Variants in KPNA5 observed in about 807,000 individuals in gnomAD.
KPNA5 encodes karyopherin subunit alpha 5.
Under a neutral mutation model 71.3 loss-of-function variants are expected in KPNA5, and 46 were observed. The observed-to-expected ratio is 0.65, with a 90% CI of 0.51 to 0.83. The LOEUF (loss-of-function observed/expected upper bound fraction) is 0.83. Among genes scored for constraint, KPNA5 ranks in the 40% least tolerant of loss-of-function variants. KPNA5 has a pLI of 0.00. For missense variants in KPNA5, 547 were observed against 628.3 expected (o/e 0.87, Z 1.38); for synonymous variants, 207 against 201.4 (o/e 1.03, Z -0.24).
At chr6:116,681,567 T>A (rs899619108) in intron 1 of KPNA5, 11 of 1,299,428 alleles carry the variant, frequency 8.5e-6, no homozygotes, top group African/African-American at 4.7e-5. Flanking sequence ...GTTCAGATTC[T>A]TTCAGCAGGT....
At chr6:116,709,770 CT>C (rs550085717) in intron 7 of KPNA5, among the ~76,000 whole-genome samples, 75 of 144,370 alleles carry the variant, frequency 5.2e-4, no homozygotes, top group Non-Finnish European at 4.9e-4. Context: ...CCTTCTATTT[CT>C]TTTTTTTTTT....
chr6:116,683,862 G>C (rs1777460841), intron 1 of KPNA5, among the ~76,000 whole-genome samples: 1 of 142,806 alleles, frequency 7.0e-6, no homozygotes, highest in Middle Eastern at 4.5e-3. Context: ...CTCCCAAAGT[G>C]CTGGGATTAC....
chr6:116,729,163 GTGT>G (rs1779388985), intron 12 of KPNA5, among the ~76,000 whole-genome samples: 1 of 83,888 alleles, frequency 1.2e-5, no homozygotes, highest in Non-Finnish European at 2.2e-5. Context: ...ACCTCCGTGT[GTGT>G]GTGTGTGTGT....
intron 1 of KPNA5, among the ~76,000 whole-genome samples, chr6:116,681,734 G>T (rs975138892): frequency 1.3e-5 from 2 of 152,072 alleles, no homozygotes; most frequent in African/African-American, 4.8e-5. Context: ...AGTGTCCAAA[G>T]AAGAGACAGG....
At chr6:116,720,564 A>C (rs1370699838) in intron 8 of KPNA5, among the ~76,000 whole-genome samples, 1 of 152,136 alleles carries the variant, frequency 6.6e-6, no homozygotes, top group Non-Finnish European at 1.5e-5. Flanking sequence ...CAAAAACCCG[A>C]TATTTGGCTG....
chr6:116,692,228 A>G, intron 3 of KPNA5, 65 bp from the exon 4 acceptor site: 1 of 1,407,644 alleles, frequency 7.1e-7, no homozygotes, highest in Non-Finnish European at 9.9e-7. Context: ...ACAAATATTT[A>G]TGCATGCAAA....
chr6:116,719,231 G>A (rs1024880097), intron 8 of KPNA5, among the ~76,000 whole-genome samples: 3 of 152,052 alleles, frequency 2.0e-5, no homozygotes, highest in Non-Finnish European at 4.4e-5. Context: ...TTGTTTGTTT[G>A]TTTTTTGGCA....
At chr6:116,702,199 T>C in intron 6 of KPNA5, 49 bp downstream of exon 6, 3 of 1,563,516 alleles carry the variant, frequency 1.9e-6, no homozygotes, top group Non-Finnish European at 2.6e-6. Context: ...CAGTTTTCTC[T>C]TGAAAGTACC....
rs1374725175 is a variant in KPNA5, at chr6:116,734,266, A to T, written c.*1943A>T. On this transcript the variant is annotated 3_prime_UTR_variant, in exon 14 of 14. Transcript: ENST00000368564. Reference sequence around the variant, plus strand: ...ATGCAGCATGATTCATAAACTAACCAGCTGTGCCTCCTTTTATTTTGAGGA... The same window carrying T: ...ATGCAGCATGATTCATAAACTAACCTGCTGTGCCTCCTTTTATTTTGAGGA... 6.6e-6 allele frequency: 1 copy of T among 151,752 alleles called. No individual in the cohort carries two copies. Among genetic ancestry groups the T allele is most frequent in the African/African-American group, 2.4e-5 (1 of 41,426 alleles). The allele number at this position is 151,752 out of a possible 1,614,324, so 9.4% of individuals were successfully genotyped here.
intron 11 of KPNA5, 99 bp downstream of exon 11, chr6:116,725,975 G>T: frequency 7.4e-7 from 1 of 1,352,434 alleles, no homozygotes; most frequent in Non-Finnish European, 1.0e-6. Context: ...TTTTTAAAAA[G>T]ATACCGAAAA....
At position 116,712,511 on chromosome 6, in the gene KPNA5, T is replaced by C. The variant is rs118176179; in HGVS notation, c.657-3708T>C. 6.4e-3 allele frequency among the ~76,000 whole-genome samples: 977 copies of C among 152,346 alleles called. 4 individuals carry two copies. Among genetic ancestry groups the C allele is most frequent in the South Asian group, 0.015 (73 of 4,830 alleles). On this transcript the variant is annotated intron_variant, in intron 7 of 13. Coordinates refer to ENST00000368564, the MANE Select transcript of KPNA5 (RefSeq NM_001366306.2). ...ATTTGTAGACAGCATCGTAGACTTA[T>C]GGGTTTTGTTTTGTTTTGTTTAATA...
chr6:116,713,723 A>G (rs1364442177), intron 7 of KPNA5, among the ~76,000 whole-genome samples: 1 of 151,934 alleles, frequency 6.6e-6, no homozygotes, highest in Non-Finnish European at 1.5e-5. Context: ...ATTTCTTGTC[A>G]TTCTTTTTCT....
In KPNA5 at chr6:116,705,054, A is replaced by T. The variant is rs755897271; in HGVS notation, c.568-18A>T. ...TAATTTAAAATATTGTCTTAAGATA[A>T]TTTTTTTTTTTCCTAAGGCTGTTTG... On this transcript the variant is annotated intron_variant, in intron 6 of 13. Coordinates refer to ENST00000368564, the MANE Select transcript of KPNA5 (RefSeq NM_001366306.2). 28 of 1,243,722 alleles carry T rather than the reference A, an allele frequency of 2.3e-5. No individual in the cohort carries two copies. Among genetic ancestry groups the T allele is most frequent in the Admixed American group, 4.1e-5 (2 of 49,034 alleles). The allele number at this position is 1,243,722 out of a possible 1,614,324, so 77.0% of individuals were successfully genotyped here. A position where few individuals can be genotyped will look rare whatever the true frequency, so the allele number is the denominator to read the frequency against.
Position 116,729,594 on chromosome 6 carries a change from C to T in KPNA5, c.1285C>T (p.Leu429Phe). Residue 429 changes from leucine to phenylalanine, a missense_variant, in exon 13 of 14, where the codon CTT becomes TTT. Physicochemically the swap from Leu to Phe is conservative, Grantham distance 22 (BLOSUM62 0). Coordinates refer to ENST00000368564, the MANE Select transcript of KPNA5 (RefSeq NM_001366306.2). ...GGTAGCTTTAGGCTGCATTAAACCA[C>T]TTTGTGATCTTTTGACTGTTATGGA... ...YLVALGCIKP[L>F]CDLLTVMDSK... 1 of 1,594,304 alleles carries T rather than the reference C, an allele frequency of 6.3e-7. No homozygotes were observed. The highest frequency in any genetic ancestry group is 8.5e-7 in the Non-Finnish European group (1 of 1,169,924).
In KPNA5 at chr6:116,702,155, G is replaced by A. The variant is rs970270450; in HGVS notation, c.567+5G>A. 2.2e-5 allele frequency: 35 copies of A among 1,611,236 alleles called. No homozygotes were observed. Among genetic ancestry groups the A allele is most frequent in the Non-Finnish European group, 2.7e-5 (32 of 1,179,302 alleles). ...CATGAAGATGTTCAGGAACAGGTAC[G>A]TCTCTAATTTGTATTGTTGTATGTA... is the stretch of plus-strand genomic sequence containing the variant. On this transcript the variant is annotated splice_donor_5th_base_variant and intron_variant, in intron 6 of 13. Coordinates refer to ENST00000368564, the MANE Select transcript of KPNA5 (RefSeq NM_001366306.2).
At chr6:116,707,587 G>A (rs1414335199) in intron 7 of KPNA5, among the ~76,000 whole-genome samples, 3 of 152,160 alleles carry the variant, frequency 2.0e-5, no homozygotes, top group Non-Finnish European at 4.4e-5. Flanking sequence ...CATCAGCATA[G>A]GTGAGTAATA....
In KPNA5 at chr6:116,729,580, G is replaced by C. The variant is rs1779409993; in HGVS notation, c.1271G>C (p.Gly424Ala). 4 of 1,569,788 alleles carry C rather than the reference G, an allele frequency of 2.5e-6. No homozygotes were observed. The highest frequency in any genetic ancestry group is 2.6e-6 in the Non-Finnish European group (3 of 1,156,932). Reference sequence around the variant, plus strand: ...ATCTGAAGGTATTTGGTAGCTTTAGGCTGCATTAAACCACTTTGTGATCTT... The same window carrying C: ...ATCTGAAGGTATTTGGTAGCTTTAGCCTGCATTAAACCACTTTGTGATCTT... Reference protein sequence around the residue: ...PEQIRYLVALGCIKPLCDLLT... With the variant: ...PEQIRYLVALACIKPLCDLLT... Residue 424 changes from glycine to alanine, a missense_variant, in exon 13 of 14, where the codon GGC becomes GCC. Gly to Ala is a moderately conservative substitution (Grantham distance 60). Coordinates refer to ENST00000368564, the MANE Select transcript of KPNA5 (RefSeq NM_001366306.2).
chr6:116,704,076 C>T (rs1427331988), intron 6 of KPNA5, among the ~76,000 whole-genome samples: 1 of 150,900 alleles, frequency 6.6e-6, no homozygotes, highest in Non-Finnish European at 1.5e-5. Flanking sequence ...CTTGCTGTGT[C>T]ACTCAGGCTG....
intron 8 of KPNA5, among the ~76,000 whole-genome samples, chr6:116,720,892 G>A (rs1358254641): frequency 1.3e-5 from 2 of 152,230 alleles, no homozygotes; most frequent in Non-Finnish European, 2.9e-5. Context: ...GTTGGCAAGG[G>A]TGGAAGCTTG....
Sources: gnomAD v4.1 joint callset for allele counts (sites outside exome capture counted in the v4.1 genomes callset) on GRCh38, gnomAD v4.1.1 for gene constraint, MANE v1.5 for transcripts, NCBI Gene and HGNC (gene_info 2026-07-23, HGNC 2026-07-21) for gene names.